CHST9: variants seen among roughly 807,000 people sequenced by gnomAD.
The protein encoded by CHST9 is GalNAc-4-sulfotransferase 2.
In CHST9, 41 loss-of-function variants were observed where a neutral mutation model predicts 44.4. That is an observed-to-expected ratio of 0.92 (90% confidence interval 0.72 to 1.20). The LOEUF is 1.20. CHST9 is among the 50% of genes most tolerant of loss of function. The pLI is 0.00. For missense variants in CHST9, 504 were observed against 516.5 expected (o/e 0.98, Z 0.23); for synonymous variants, 171 against 178.4 (o/e 0.96, Z 0.33).
intron 2 of CHST9, among the ~76,000 whole-genome samples, chr18:27,075,473 G>A (rs777220227): frequency 2.6e-5 from 4 of 151,892 alleles, no homozygotes; most frequent in Non-Finnish European, 5.9e-5. Flanking sequence ...CCTAGGTTCT[G>A]ATTCAGTGTT....
chr18:27,164,422 A>G (rs1039647615), intron 1 of CHST9, among the ~76,000 whole-genome samples: 118 of 149,088 alleles, frequency 7.9e-4, no homozygotes, highest in African/African-American at 2.9e-3. Flanking sequence ...AAACAAAAAG[A>G]AAAAAAAAGA....
intron 2 of CHST9, among the ~76,000 whole-genome samples, chr18:27,110,670 T>C (rs2058263389): frequency 6.6e-6 from 1 of 152,188 alleles, no homozygotes; most frequent in Non-Finnish European, 1.5e-5. Flanking sequence ...CATTCTCAAA[T>C]GAGGTATGAC....
At chr18:26,925,932 C>T (rs1194376767) in intron 5 of CHST9, 1 of 151,424 alleles carries the variant, frequency 6.6e-6, no homozygotes, top group Admixed American at 6.6e-5. Context: ...CAACATGTAG[C>T]AAAGTTAAAT....
intron 5 of CHST9, chr18:26,930,756 T>G (rs369399029): frequency 3.3e-5 from 5 of 153,750 alleles, no homozygotes; most frequent in Non-Finnish European, 5.9e-5. Context: ...CAAGAGCTGG[T>G]GTAGAATGAG....
At chr18:26,984,012 G>A (rs994226266) in intron 4 of CHST9, among the ~76,000 whole-genome samples, 1 of 152,086 alleles carries the variant, frequency 6.6e-6, no homozygotes, top group African/African-American at 2.4e-5. Context: ...CCCTTTACCA[G>A]CTTGGTTTTT....
chr18:26,981,203 TG>T (rs1220524350), intron 4 of CHST9, among the ~76,000 whole-genome samples: 2 of 152,196 alleles, frequency 1.3e-5, no homozygotes, highest in African/African-American at 4.8e-5. Context: ...AAAAAGATAT[TG>T]GTAAGAAAGA....
At chr18:27,089,810 C>CT (rs56057285) in intron 2 of CHST9, among the ~76,000 whole-genome samples, 49,432 of 124,536 alleles carry the variant, frequency 0.4, 10,847 homozygotes, top group East Asian at 0.46. Flanking sequence ...TGTTTCCTGA[C>CT]TTTTTTTTTT....
intron 5 of CHST9, among the ~76,000 whole-genome samples, chr18:26,919,894 T>C (rs1242710273): frequency 6.6e-6 from 1 of 152,162 alleles, no homozygotes; most frequent in Non-Finnish European, 1.5e-5. Context: ...TTGAACTACT[T>C]GTCTCTCCAG....
chr18:27,067,510 G>A (rs1041175135), intron 2 of CHST9, among the ~76,000 whole-genome samples: 3 of 151,964 alleles, frequency 2.0e-5, no homozygotes, highest in Non-Finnish European at 4.4e-5. Flanking sequence ...AGGATTCAAC[G>A]ACTAACTCAA....
chr18:27,007,607 G>T (rs1449135543), intron 4 of CHST9, among the ~76,000 whole-genome samples: 1 of 152,144 alleles, frequency 6.6e-6, no homozygotes, highest in African/African-American at 2.4e-5. Context: ...AATTCCAATA[G>T]AAGAACAAAA....
chr18:27,127,598 G>A (rs1264938951), intron 2 of CHST9, among the ~76,000 whole-genome samples: 1 of 152,150 alleles, frequency 6.6e-6, no homozygotes, highest in African/African-American at 2.4e-5. Context: ...AAATAAATTG[G>A]GGGGAATAGG....
At chr18:26,967,069 G>T (rs2056475115) in intron 4 of CHST9, among the ~76,000 whole-genome samples, 1 of 151,948 alleles carries the variant, frequency 6.6e-6, no homozygotes, top group South Asian at 2.1e-4. Flanking sequence ...AACACTGAGG[G>T]CTTTATTCTT....
chr18:27,040,043 C>A (rs1411823039), intron 3 of CHST9, among the ~76,000 whole-genome samples: 1 of 152,068 alleles, frequency 6.6e-6, no homozygotes, highest in Non-Finnish European at 1.5e-5. Context: ...AGGACTATAT[C>A]TGACTGACAA....
intron 1 of CHST9, among the ~76,000 whole-genome samples, chr18:27,174,259 C>CT (rs1315634152): frequency 6.6e-6 from 1 of 151,806 alleles, no homozygotes; most frequent in Non-Finnish European, 1.5e-5. Context: ...ATATTTCAGG[C>CT]TTTTTTTGTT....
chr18:27,059,165 A>G (rs962040666), intron 2 of CHST9, among the ~76,000 whole-genome samples: 4 of 152,210 alleles, frequency 2.6e-5, no homozygotes, highest in Non-Finnish European at 5.9e-5. Flanking sequence ...TTAGAGTTTT[A>G]CAATTTTACC....
At chr18:27,134,938 CAG>C in intron 2 of CHST9, among the ~76,000 whole-genome samples, 1 of 152,096 alleles carries the variant, frequency 6.6e-6, no homozygotes, top group South Asian at 2.1e-4. Context: ...TTCAGTTAGA[CAG>C]AGACAATTAC....
At chr18:26,964,792 A>G (rs1175854950) in intron 4 of CHST9, among the ~76,000 whole-genome samples, 2 of 152,228 alleles carry the variant, frequency 1.3e-5, no homozygotes, top group Non-Finnish European at 2.9e-5. Context: ...CCCTTCCAGA[A>G]CAAGACTAAA....
At chr18:26,929,029 G>A (rs1374346768) in intron 5 of CHST9, among the ~76,000 whole-genome samples, 4 of 152,146 alleles carry the variant, frequency 2.6e-5, no homozygotes, top group Admixed American at 2.0e-4. Flanking sequence ...CATTGGCTGG[G>A]ATCCAGGACC....
At chr18:27,129,428 C>CGTGCA (rs1039140523) in intron 2 of CHST9, among the ~76,000 whole-genome samples, 42 of 151,670 alleles carry the variant, frequency 2.8e-4, no homozygotes, top group African/African-American at 6.5e-4. Context: ...CCCAGGCTGG[C>CGTGCA]GTGCAGTGCA....
Sources: allele counts gnomAD v4.1 joint callset (sites outside exome capture counted in the v4.1 genomes callset), GRCh38; gene constraint gnomAD v4.1.1; transcripts MANE v1.5; gene names NCBI Gene and HGNC (gene_info 2026-07-23, HGNC 2026-07-21).